The following NBDY variants were observed in gnomAD, a reference collection of about 807,000 sequenced individuals.
NBDY encodes P-body dissociating protein.
At chrX:56,804,977 G>C (rs761845800) in intron 2 of NBDY, among the ~76,000 whole-genome samples, 1 of 112,144 alleles carries the variant, frequency 8.9e-6, no homozygotes, top group East Asian at 2.8e-4. Flanking sequence ...GGATGTGTAG[G>C]CTGCACTGGG....
At chrX:56,787,118 CAGG>C (rs2069733551) in intron 2 of NBDY, among the ~76,000 whole-genome samples, 2 of 111,140 alleles carry the variant, frequency 1.8e-5, no homozygotes, top group African/African-American at 6.6e-5. Flanking sequence ...TGTGTGCAGG[CAGG>C]GTGTCTCTGC....
At chrX:56,735,971 G>T (rs919063732) in intron 2 of NBDY, among the ~76,000 whole-genome samples, 1 of 110,184 alleles carries the variant, frequency 9.1e-6, no homozygotes, top group African/African-American at 3.3e-5. Context: ...AATGGGGGGT[G>T]GTTCCTAGGG....
At chrX:56,803,297 G>C (rs746473113) in intron 2 of NBDY, among the ~76,000 whole-genome samples, 4 of 111,852 alleles carry the variant, frequency 3.6e-5, no homozygotes, top group Non-Finnish European at 7.5e-5. Context: ...TGCCGGGCAG[G>C]AGTCGTCCCG....
chrX:56,811,733 C>CAGACCGGT (rs2069887775), intron 2 of NBDY, among the ~76,000 whole-genome samples: 1 of 111,935 alleles, frequency 8.9e-6, no homozygotes, highest in Non-Finnish European at 1.9e-5. Flanking sequence ...GGTTGGCCCC[C>CAGACCGGT]TGGCTTCAGC....
chrX:56,762,831 G>A (rs891759844), intron 2 of NBDY, among the ~76,000 whole-genome samples: 6 of 110,747 alleles, frequency 5.4e-5, no homozygotes, highest in Admixed American at 9.6e-5. Context: ...ACACTCACTA[G>A]GGACCTCAGA....
intron 2 of NBDY, among the ~76,000 whole-genome samples, chrX:56,794,706 C>A (rs977998234): frequency 8.9e-6 from 1 of 111,847 alleles, no homozygotes; most frequent in Non-Finnish European, 1.9e-5. Flanking sequence ...TGGGCCCCTG[C>A]CGATTCCTCT....
chrX:56,804,117 G>T (rs960749819), intron 2 of NBDY, among the ~76,000 whole-genome samples: 12 of 111,778 alleles, frequency 1.1e-4, no homozygotes, highest in Admixed American at 9.4e-5. Context: ...GGCCACTGCT[G>T]ATTACTTCTC....
intron 2 of NBDY, among the ~76,000 whole-genome samples, chrX:56,748,616 G>A (rs2069567747): frequency 9.2e-6 from 1 of 108,261 alleles, no homozygotes; most frequent in South Asian, 4.2e-4. Flanking sequence ...AACAGATAAA[G>A]GAGTAATAGG....
At chrX:56,736,605 C>G (rs1444850646) in intron 2 of NBDY, among the ~76,000 whole-genome samples, 3 of 112,783 alleles carry the variant, frequency 2.7e-5, no homozygotes, top group Non-Finnish European at 5.6e-5. Context: ...ACCTTATAAT[C>G]TTAAAACTTT....
rs887444769 is a variant in NBDY at position 56,808,170 on chromosome X, T to G, written c.*167-9150T>G. 9.8e-5 allele frequency among the ~76,000 whole-genome samples: 11 copies of G among 112,015 alleles called. No individual in the cohort carries two copies. In the Admixed American group the frequency reaches 1.0e-3, roughly 11 times the overall value. On this transcript the variant is annotated intron_variant, in intron 2 of 2. Coordinates refer to ENST00000374922, the MANE Select transcript of NBDY (RefSeq NM_001348129.2). ...TTGCATCCCAGGGATGAAGCCGACT[T>G]GATCGTGGTGGATAAGCTTTTTCAA... is the stretch of plus-strand genomic sequence containing the variant.
At chrX:56,783,059 A>T in intron 2 of NBDY, among the ~76,000 whole-genome samples, 1 of 112,839 alleles carries the variant, frequency 8.9e-6, no homozygotes, top group Non-Finnish European at 1.9e-5. Context: ...ACAGACACAC[A>T]CAACACCTCA....
chrX:56,816,217 A>G (rs1266426931), intron 2 of NBDY, among the ~76,000 whole-genome samples: 1 of 111,175 alleles, frequency 9.0e-6, no homozygotes, highest in South Asian at 3.7e-4. Flanking sequence ...ATAGGAGACA[A>G]AAATATATGG....
At chrX:56,730,232 G>A (rs754043276) in intron 1 of NBDY, among the ~76,000 whole-genome samples, 11 of 109,111 alleles carry the variant, frequency 1.0e-4, no homozygotes, top group Non-Finnish European at 1.9e-4. Context: ...GGAGGAGTAG[G>A]GGGGCGGACG....
intron 2 of NBDY, among the ~76,000 whole-genome samples, chrX:56,794,053 G>A (rs1014629515): frequency 1.1e-4 from 12 of 112,355 alleles, no homozygotes; most frequent in African/African-American, 3.6e-4. Context: ...AATGGCTGCT[G>A]GGGCAGCTCC....
chrX:56,758,988 T>C (rs1222608797), intron 2 of NBDY, among the ~76,000 whole-genome samples: 1 of 112,067 alleles, frequency 8.9e-6, no homozygotes, highest in Non-Finnish European at 1.9e-5. Context: ...AAAGGTTGCA[T>C]GTCCTACCCA....
intron 2 of NBDY, among the ~76,000 whole-genome samples, chrX:56,807,247 T>C (rs2069856706): frequency 8.9e-6 from 1 of 112,219 alleles, no homozygotes; most frequent in Non-Finnish European, 1.9e-5. Flanking sequence ...TTAGGCAGCG[T>C]GATGCTTCCA....
intron 2 of NBDY, among the ~76,000 whole-genome samples, chrX:56,802,042 G>A (rs933563344): frequency 2.7e-4 from 29 of 108,445 alleles, no homozygotes; most frequent in Non-Finnish European, 5.0e-4. Flanking sequence ...CCAGGGGTGC[G>A]GGCTCAAGCA....
chrX:56,761,642 C>T (rs1221727778), intron 2 of NBDY, among the ~76,000 whole-genome samples: 8 of 113,211 alleles, frequency 7.1e-5, no homozygotes, highest in African/African-American at 2.6e-4. Context: ...CTTTTTTCTT[C>T]TTCACTGTCT....
At chrX:56,759,096 C>T (rs1006997947) in intron 2 of NBDY, among the ~76,000 whole-genome samples, 1 of 112,009 alleles carries the variant, frequency 8.9e-6, no homozygotes, top group Non-Finnish European at 1.9e-5. Flanking sequence ...TGCCTCAGGC[C>T]CTGTGGCTGC....
Sources: allele counts gnomAD v4.1 joint callset (sites outside exome capture counted in the v4.1 genomes callset), GRCh38; gene constraint gnomAD v4.1.1; transcripts MANE v1.5; gene names NCBI Gene and HGNC (gene_info 2026-07-23, HGNC 2026-07-21).